VAV2: variants seen among roughly 807,000 people sequenced by gnomAD.
The protein encoded by VAV2 is guanine nucleotide exchange factor VAV2.
Under a neutral mutation model 132.5 loss-of-function variants are expected in VAV2, and 67 were observed. The ratio of observed to expected loss-of-function variants is 0.51; its 90% CI spans 0.42 to 0.62. VAV2 has a LOEUF of 0.62. VAV2 is among the 20% of genes least tolerant of loss of function. VAV2 has a pLI of 0.00. For missense variants in VAV2, 938 were observed against 1,153.6 expected, an observed-to-expected ratio of 0.81 and a Z score of 2.71; for synonymous variants, 492 against 443.5, an observed-to-expected ratio of 1.11 and a Z score of -1.37.
chr9:133,905,176 C>T (rs945329085), intron 2 of VAV2, among the ~76,000 whole-genome samples: 1 of 152,142 alleles, frequency 6.6e-6, no homozygotes. Context: ...CGCCTGTAAT[C>T]CCAGCACTTC....
chr9:133,886,574 G>A (rs1307378736), intron 2 of VAV2, among the ~76,000 whole-genome samples: 1 of 152,186 alleles, frequency 6.6e-6, no homozygotes, highest in Non-Finnish European at 1.5e-5. Flanking sequence ...CCACGTGTTT[G>A]CGCCTGTGTC....
At position 133,961,919 on chromosome 9, in the gene VAV2, C is replaced by T. The variant is rs1841978399; in HGVS notation, c.205-22700G>A. The stretch of plus-strand genomic sequence containing the variant: ...GGGTGCCCCCACCCTGACTCCTCAC[C>T]CCACGGTGGCCCCTGCCAGAACCCA... On this transcript the variant is annotated intron_variant, in intron 1 of 29. Coordinates refer to ENST00000371850, the MANE Select transcript of VAV2 (RefSeq NM_001134398.2). The surrounding 1 kb of genome is among the most constrained non-coding windows in gnomAD (Gnocchi z 4.1). Among the ~76,000 whole-genome samples, 1 of 152,130 alleles carries T rather than the reference C, an allele frequency of 6.6e-6. No individual in the cohort carries two copies. The highest frequency in any genetic ancestry group is 1.5e-5 in the Non-Finnish European group (1 of 68,010).
At chr9:133,785,488 G>A (rs1437950216) in intron 17 of VAV2, among the ~76,000 whole-genome samples, 1 of 152,218 alleles carries the variant, frequency 6.6e-6, no homozygotes, top group Admixed American at 6.5e-5. Flanking sequence ...GGCGTGCCAG[G>A]CTCAGCCTCA....
At chr9:133,787,304 G>A (rs774825573) in intron 15 of VAV2, 44 bp from the exon 16 acceptor site, 2 of 1,553,276 alleles carry the variant, frequency 1.3e-6, no homozygotes, top group Non-Finnish European at 1.7e-6. Flanking sequence ...CGGTCAGTGA[G>A]AGGCTAAGCC....
intron 4 of VAV2, among the ~76,000 whole-genome samples, chr9:133,831,609 T>C (rs1389773040): frequency 6.6e-6 from 1 of 152,174 alleles, no homozygotes; most frequent in Non-Finnish European, 1.5e-5. Context: ...AGGAGGCTCC[T>C]ACGGAGTGGG....
chr9:133,985,485 T>C (rs1842832598), intron 1 of VAV2, among the ~76,000 whole-genome samples: 1 of 152,176 alleles, frequency 6.6e-6, no homozygotes, highest in Non-Finnish European at 1.5e-5. Flanking sequence ...TTTCGCCATA[T>C]TGGCCAGACT....
chr9:133,992,023 G>A lies in VAV2; in HGVS notation c.204+52C>T, dbSNP rs1223185331. 2.1e-6 allele frequency: 3 copies of A among 1,418,356 alleles called. No individual in the cohort carries two copies. The Admixed American group carries it at 8.2e-5, about 39-fold the overall frequency. 87.9% of individuals were successfully genotyped at this position (1,418,356 alleles called of 1,614,324 possible). A position where few individuals can be genotyped will look rare whatever the true frequency, so the allele number is the denominator to read the frequency against. On this transcript the variant is annotated intron_variant, in intron 1 of 29. Coordinates refer to ENST00000371850, the MANE Select transcript of VAV2 (RefSeq NM_001134398.2). This position sits in a 1 kb window ranked among gnomAD's most constrained non-coding sequence, Gnocchi z 5.5. ...GACCTCCGCGTTCAGTCCGCGCGTC[G>A]GGCAGCGCGAACGCCGCCTCCCCGG...
rs777292620 is a variant in VAV2 at position 133,785,898 on chromosome 9, G to A, written c.1423-13C>T. 1.9e-6 allele frequency: 3 copies of A among 1,609,652 alleles called. No individual in the cohort carries two copies. Among genetic ancestry groups the A allele is most frequent in the Non-Finnish European group, 1.7e-6 (2 of 1,177,064 alleles). On this transcript the variant is annotated splice_polypyrimidine_tract_variant and intron_variant, in intron 16 of 29. Transcript: ENST00000371850. ...AGCCGTAGGACCACTGCAGGGGGGA[G>A]AGGGGCCATGCTTGCAATAGACACG...
At chr9:133,940,666 CACGT>C (rs527760415) in intron 1 of VAV2, among the ~76,000 whole-genome samples, 6,201 of 82,814 alleles carry the variant, frequency 0.075, 374 homozygotes, top group African/African-American at 0.21. Context: ...CCTCTCTGTC[CACGT>C]GCGTGTGTGT....
chr9:133,932,233 C>A (rs1277083641), intron 2 of VAV2, among the ~76,000 whole-genome samples: 2 of 152,230 alleles, frequency 1.3e-5, no homozygotes, highest in African/African-American at 4.8e-5. Flanking sequence ...GGCAACTGGA[C>A]AAACCGCCCA....
chr9:133,809,145 G>T lies in VAV2; in HGVS notation c.568-7C>A, dbSNP rs1171858845. 1 of 1,613,482 alleles carries T rather than the reference G, an allele frequency of 6.2e-7. No individual in the cohort carries two copies. Among genetic ancestry groups the T allele is most frequent in the African/African-American group, 1.3e-5 (1 of 75,022 alleles). On this transcript the variant is annotated splice_polypyrimidine_tract_variant and splice_region_variant and intron_variant, in intron 6 of 29. Coordinates refer to ENST00000371850, the MANE Select transcript of VAV2 (RefSeq NM_001134398.2). ...CTTCAGTCATGCCCATTTTCTAGAG[G>T]AGGGAAGGGGGAGTCAGCAGGACCC...
intron 1 of VAV2, among the ~76,000 whole-genome samples, chr9:133,970,430 G>C (rs1228538951): frequency 6.6e-6 from 1 of 152,162 alleles, no homozygotes; most frequent in Non-Finnish European, 1.5e-5. Context: ...CGAGGCTCAC[G>C]GGACCTCACC....
At chr9:133,901,405 T>C (rs1022781035) in intron 2 of VAV2, among the ~76,000 whole-genome samples, 3 of 152,182 alleles carry the variant, frequency 2.0e-5, no homozygotes, top group African/African-American at 7.2e-5. Context: ...CTGAGACTCC[T>C]CCCATCAAGA....
chr9:133,788,586 C>A lies in VAV2; in HGVS notation c.1275-100G>T. The A allele has an allele frequency of 6.7e-7, 1 of 1,502,878 alleles. No homozygotes were observed. 93.1% of individuals were successfully genotyped at this position (1,502,878 alleles called of 1,614,324 possible). A position where few individuals can be genotyped will look rare whatever the true frequency, so the allele number is the denominator to read the frequency against. ...AGCCTGAGGCTCTGGCACGCGGCTCCCTCTCCGGGCGAGCCCTGCCCTCAC... is the reference window on the plus strand; with the variant it reads ...AGCCTGAGGCTCTGGCACGCGGCTCACTCTCCGGGCGAGCCCTGCCCTCAC... On this transcript the variant is annotated intron_variant, in intron 14 of 29. Transcript: ENST00000371850. This position sits in a 1 kb window ranked among gnomAD's most constrained non-coding sequence, Gnocchi z 5.3.
At chr9:133,982,530 A>C (rs1446213629) in intron 1 of VAV2, among the ~76,000 whole-genome samples, 1 of 151,454 alleles carries the variant, frequency 6.6e-6, no homozygotes, top group Non-Finnish European at 1.5e-5. Flanking sequence ...GCAGGAGGCC[A>C]CAAGAGGGGA....
chr9:133,801,367 G>A (rs901742904), intron 9 of VAV2, among the ~76,000 whole-genome samples: 3 of 152,244 alleles, frequency 2.0e-5, no homozygotes, highest in African/African-American at 4.8e-5. Context: ...GAGACGTGAC[G>A]TGACTTCTGA....
intron 2 of VAV2, among the ~76,000 whole-genome samples, chr9:133,917,829 G>T (rs80161503): frequency 0.031 from 4,775 of 152,250 alleles, 236 homozygotes; most frequent in African/African-American, 0.11. Flanking sequence ...AAGGCTAGCT[G>T]GACCCACACC....
rs777843169 is a variant in VAV2 at position 133,802,451 on chromosome 9, G to GA, written c.836+3629_836+3630insT. Among the ~76,000 whole-genome samples the GA allele has an allele frequency of 5.3e-4, 78 of 147,242 alleles. No homozygotes were observed. The highest frequency in any genetic ancestry group is 1.3e-4 in the Non-Finnish European group (9 of 66,978). On this transcript the variant is annotated intron_variant, in intron 9 of 29. Coordinates refer to ENST00000371850, the MANE Select transcript of VAV2 (RefSeq NM_001134398.2). The surrounding 1 kb of genome is among the most constrained non-coding windows in gnomAD (Gnocchi z 5.8). ...GCTGACTCCTCCCCTGGAGAAAGTT[G>GA]TTCAGGCGCAAATGATTTCTGTCCT...
intron 2 of VAV2, among the ~76,000 whole-genome samples, chr9:133,875,590 G>A (rs1375089533): frequency 1.3e-5 from 2 of 152,190 alleles, no homozygotes; most frequent in Admixed American, 6.5e-5. Flanking sequence ...CAGACTGCCC[G>A]GCACTGCAGC....
Sources: allele counts gnomAD v4.1 joint callset (sites outside exome capture counted in the v4.1 genomes callset), GRCh38; gene constraint gnomAD v4.1.1; non-coding constraint Gnocchi (gnomAD v3.1); transcripts MANE v1.5; gene names NCBI Gene and HGNC (gene_info 2026-07-23, HGNC 2026-07-21).